MGAT5: variants seen among roughly 807,000 people sequenced by gnomAD.
MGAT5 encodes the protein alpha-1,6-mannosylglycoprotein 6-beta-N-acetylglucosaminyltransferase.
MGAT5 carries 30 observed loss-of-function variants against 94.3 expected under a neutral mutation model. The observed-to-expected ratio is 0.32, with a 90% CI of 0.24 to 0.43. MGAT5 has a LOEUF of 0.43. Among genes scored for constraint, MGAT5 ranks in the 20% least tolerant of loss-of-function variants. MGAT5 has a pLI of 1.00. For missense variants in MGAT5, 691 were observed against 905.5 expected (o/e 0.76, Z 3.04); for synonymous variants, 310 against 322.9 (o/e 0.96, Z 0.43).
intron 1 of MGAT5, among the ~76,000 whole-genome samples, chr2:134,193,381 AT>A (rs1298507202): frequency 6.6e-6 from 1 of 152,164 alleles, no homozygotes; most frequent in Non-Finnish European, 1.5e-5. Flanking sequence ...CCTCCTGAAT[AT>A]CTGGGATTAT....
chr2:134,381,364 TAGATA>T (rs1553457707), intron 10 of MGAT5, among the ~76,000 whole-genome samples: 2 of 95,588 alleles, frequency 2.1e-5, no homozygotes, highest in African/African-American at 8.3e-5. Context: ...GATAGATAGA[TAGATA>T]AGATAAGATA....
At chr2:134,269,451 C>T (rs1251886258) in intron 1 of MGAT5, among the ~76,000 whole-genome samples, 1 of 152,210 alleles carries the variant, frequency 6.6e-6, no homozygotes. Flanking sequence ...GGCCCACTCC[C>T]AATTCAGAAA....
At chr2:134,297,234 A>G (rs986768496) in intron 2 of MGAT5, among the ~76,000 whole-genome samples, 1 of 151,552 alleles carries the variant, frequency 6.6e-6, no homozygotes, top group African/African-American at 2.4e-5. Flanking sequence ...GAATAGCTCA[A>G]TAACAAAGAA....
chr2:134,140,891 A>G (rs892550033), intron 1 of MGAT5, among the ~76,000 whole-genome samples: 8 of 152,192 alleles, frequency 5.3e-5, no homozygotes, highest in Non-Finnish European at 1.2e-4. Context: ...CAGAATTTCA[A>G]CCTAGGGAAC....
intron 4 of MGAT5, among the ~76,000 whole-genome samples, chr2:134,334,294 C>A (rs1174007166): frequency 6.6e-6 from 1 of 152,038 alleles, no homozygotes; most frequent in Non-Finnish European, 1.5e-5. Context: ...AAAGATTCTT[C>A]TTGCAGTGGC....
chr2:134,141,483 GATGGGTGGGTGGATGA>G (rs1686654091), intron 1 of MGAT5, among the ~76,000 whole-genome samples: 1 of 147,902 alleles, frequency 6.8e-6, no homozygotes, highest in Non-Finnish European at 1.5e-5. Flanking sequence ...TGGATGGATA[GATGGGTGGGTGGATGA>G]ATGGGTGGGT....
intron 4 of MGAT5, among the ~76,000 whole-genome samples, chr2:134,332,996 A>G (rs1688077587): frequency 6.6e-6 from 1 of 152,182 alleles, no homozygotes; most frequent in African/African-American, 2.4e-5. Flanking sequence ...GGGACTGGAA[A>G]CTAGTTCAAC....
intron 1 of MGAT5, among the ~76,000 whole-genome samples, chr2:134,126,579 T>C (rs557091609): frequency 8.6e-4 from 131 of 152,382 alleles, no homozygotes; most frequent in Admixed American, 1.8e-3. Flanking sequence ...CAGCCCTTTA[T>C]TGTTACTCTC....
At chr2:134,236,452 G>C (rs911852177) in intron 1 of MGAT5, among the ~76,000 whole-genome samples, 1 of 152,124 alleles carries the variant, frequency 6.6e-6, no homozygotes, top group Admixed American at 6.6e-5. Flanking sequence ...CATGTGTCGT[G>C]GGAGGTAATT....
chr2:134,351,124 G>A (rs559083856), intron 9 of MGAT5, among the ~76,000 whole-genome samples: 44 of 152,278 alleles, frequency 2.9e-4, no homozygotes, highest in African/African-American at 1.0e-3. Context: ...ATTAAGCTCA[G>A]ATTTGTGAAA....
chr2:134,257,115 A>G (rs1290892787), intron 1 of MGAT5, among the ~76,000 whole-genome samples: 1 of 152,236 alleles, frequency 6.6e-6, no homozygotes, highest in Non-Finnish European at 1.5e-5. Flanking sequence ...GTCTTTAGAT[A>G]TGTGATAATT....
At chr2:134,151,937 C>T (rs1687214397) in intron 1 of MGAT5, among the ~76,000 whole-genome samples, 1 of 141,722 alleles carries the variant, frequency 7.1e-6, no homozygotes, top group African/African-American at 2.5e-5. Context: ...GACCCGCCCA[C>T]CGCCATGGGA....
intron 2 of MGAT5, among the ~76,000 whole-genome samples, chr2:134,273,475 T>C (rs1367112539): frequency 6.6e-6 from 1 of 152,194 alleles, no homozygotes; most frequent in African/African-American, 2.4e-5. Flanking sequence ...TCTGGTGTCT[T>C]ATTGCTCACT....
At chr2:134,195,721 C>T (rs1299172892) in intron 1 of MGAT5, among the ~76,000 whole-genome samples, 2 of 152,132 alleles carry the variant, frequency 1.3e-5, no homozygotes, top group Non-Finnish European at 2.9e-5. Flanking sequence ...ATAATCTTTT[C>T]TGTGTTTGAT....
At chr2:134,122,807 G>A (rs1685677985) in intron 1 of MGAT5, among the ~76,000 whole-genome samples, 1 of 152,246 alleles carries the variant, frequency 6.6e-6, no homozygotes, top group Non-Finnish European at 1.5e-5. Context: ...TGCACAAGCA[G>A]CCACCAGTTG....
chr2:134,131,572 A>ATTT (rs10617178), intron 1 of MGAT5, among the ~76,000 whole-genome samples: 10 of 85,244 alleles, frequency 1.2e-4, no homozygotes, highest in East Asian at 3.2e-4. Flanking sequence ...TGGTAGATTG[A>ATTT]TTTTTTTTTT....
chr2:134,154,039 C>T (rs1195924370), intron 1 of MGAT5, among the ~76,000 whole-genome samples: 1 of 152,090 alleles, frequency 6.6e-6, no homozygotes, highest in African/African-American at 2.4e-5. Context: ...CCCAGAGCCC[C>T]GCAAAACAAG....
At chr2:134,355,709 T>G (rs1409441602) in intron 9 of MGAT5, among the ~76,000 whole-genome samples, 3 of 152,252 alleles carry the variant, frequency 2.0e-5, no homozygotes, top group Non-Finnish European at 4.4e-5. Flanking sequence ...TGACTTGCAC[T>G]GTAAATTTTC....
intron 9 of MGAT5, among the ~76,000 whole-genome samples, chr2:134,351,829 A>G (rs1205681941): frequency 1.3e-5 from 2 of 152,336 alleles, no homozygotes; most frequent in African/African-American, 4.8e-5. Flanking sequence ...AGACCCTTAT[A>G]TATACATACA....
Sources: gnomAD v4.1 joint callset for allele counts (sites outside exome capture counted in the v4.1 genomes callset) on GRCh38, gnomAD v4.1.1 for gene constraint, MANE v1.5 for transcripts, NCBI Gene and HGNC (gene_info 2026-07-23, HGNC 2026-07-21) for gene names.